FMN2: variants seen among roughly 807,000 people sequenced by gnomAD.
FMN2 encodes formin 2.
Under a neutral mutation model 142.3 loss-of-function variants are expected in FMN2, and 51 were observed. The observed-to-expected ratio is 0.36, with a 90% CI of 0.29 to 0.45. The LOEUF (loss-of-function observed/expected upper bound fraction) is 0.45. Among genes scored for constraint, FMN2 ranks in the 20% least tolerant of loss-of-function variants. The probability of loss-of-function intolerance (pLI) is 1.00; values close to 1 mark genes in which losing one functional copy is unlikely to be tolerated. For missense variants in FMN2, 1,936 were observed against 2,122.8 expected, an observed-to-expected ratio of 0.91 and a Z score of 1.73; for synonymous variants, 882 against 869.8, an observed-to-expected ratio of 1.01 and a Z score of -0.25.
rs765785282 is a variant in FMN2, at chr1:240,329,380, G to A, written c.4349G>A (p.Arg1450Gln). ...TCACTAATCCCCAACTTTTCAGAGCGAGTCTTTTGCATCCTGTTCCAGTCC... is the reference window on the plus strand; with the variant it reads ...TCACTAATCCCCAACTTTTCAGAGCAAGTCTTTTGCATCCTGTTCCAGTCC... The part of the protein sequence containing the change: ...ELSLIPNFSE[R>Q]VFCILFQSTF... Residue 1450 changes from arginine (R) to glutamine (Q), a missense_variant, in exon 10 of 18, where the codon CGA (arginine) becomes CAA (glutamine). Transcript: ENST00000319653. The A allele has an allele frequency of 5.0e-6, 8 of 1,613,670 alleles. No homozygotes were observed. Among genetic ancestry groups the A allele is most frequent in the Admixed American group, 1.7e-5 (1 of 59,926 alleles).
chr1:240,099,630 T>G (rs1661344369), intron 1 of FMN2, among the ~76,000 whole-genome samples: 1 of 152,188 alleles, frequency 6.6e-6, no homozygotes, highest in South Asian at 2.1e-4. Flanking sequence ...CATTTCATTT[T>G]CCCGACTTTG....
At chr1:240,417,254 C>G (rs943281629) in intron 15 of FMN2, among the ~76,000 whole-genome samples, 1 of 150,622 alleles carries the variant, frequency 6.6e-6, no homozygotes, top group African/African-American at 2.4e-5. Flanking sequence ...ATTTTCTCAC[C>G]CTTTAACATC....
At chr1:240,205,756 C>G (rs746985435) in intron 4 of FMN2, among the ~76,000 whole-genome samples, 1 of 151,172 alleles carries the variant, frequency 6.6e-6, no homozygotes, top group Admixed American at 6.6e-5. Flanking sequence ...CCACCACGCC[C>G]GGCCAATGCC....
At chr1:240,103,764 C>T (rs1661493801) in intron 1 of FMN2, among the ~76,000 whole-genome samples, 1 of 152,202 alleles carries the variant, frequency 6.6e-6, no homozygotes. Flanking sequence ...AATGACTTAA[C>T]ATACAAACTT....
intron 6 of FMN2, among the ~76,000 whole-genome samples, chr1:240,220,286 C>T (rs186970754): frequency 1.3e-5 from 2 of 152,284 alleles, no homozygotes; most frequent in Admixed American, 1.3e-4. Flanking sequence ...CACTCTGTTA[C>T]CAGCCACCCC....
At chr1:240,200,175 G>A (rs939735778) in intron 4 of FMN2, among the ~76,000 whole-genome samples, 2 of 152,172 alleles carry the variant, frequency 1.3e-5, no homozygotes, top group Non-Finnish European at 2.9e-5. Context: ...CAGTCTCTTC[G>A]AGATTAAATC....
intron 7 of FMN2, among the ~76,000 whole-genome samples, chr1:240,271,962 G>A (rs1292876748): frequency 6.6e-6 from 1 of 152,028 alleles, no homozygotes; most frequent in Non-Finnish European, 1.5e-5. Context: ...TTCCATAGTT[G>A]GACTTTTTGA....
intron 4 of FMN2, among the ~76,000 whole-genome samples, chr1:240,200,929 C>T (rs954139274): frequency 3.9e-5 from 6 of 152,128 alleles, no homozygotes; most frequent in African/African-American, 1.4e-4. Context: ...CCTGGCACCA[C>T]AAGGCTAGCA....
intron 2 of FMN2, among the ~76,000 whole-genome samples, chr1:240,174,725 G>A (rs1664847474): frequency 6.6e-6 from 1 of 152,088 alleles, no homozygotes; most frequent in Admixed American, 6.5e-5. Flanking sequence ...GAACTGACTT[G>A]TCAATTTTAT....
intron 14 of FMN2, among the ~76,000 whole-genome samples, chr1:240,366,179 C>T (rs1672664146): frequency 6.6e-6 from 1 of 152,132 alleles, no homozygotes; most frequent in Non-Finnish European, 1.5e-5. Context: ...GCCATATACA[C>T]CCAGCTCACA....
At chr1:240,448,531 T>C (rs138699840) in intron 16 of FMN2, among the ~76,000 whole-genome samples, 28 of 152,158 alleles carry the variant, frequency 1.8e-4, no homozygotes, top group African/African-American at 6.5e-4. Context: ...AAAAAAAGAA[T>C]TTGGTCAGGT....
At chr1:240,436,533 C>T (rs1461748645) in intron 15 of FMN2, among the ~76,000 whole-genome samples, 2 of 151,914 alleles carry the variant, frequency 1.3e-5, no homozygotes, top group East Asian at 1.9e-4. Context: ...AAAAATTAGC[C>T]GGGCATGGTG....
At chr1:240,180,957 C>CT (rs913855322) in intron 3 of FMN2, among the ~76,000 whole-genome samples, 66 of 149,070 alleles carry the variant, frequency 4.4e-4, no homozygotes, top group East Asian at 1.8e-3. Context: ...AAATTGAGGA[C>CT]TTTTTTTTTT....
intron 14 of FMN2, among the ~76,000 whole-genome samples, chr1:240,362,190 G>A (rs902499988): frequency 5.3e-5 from 8 of 152,138 alleles, no homozygotes; most frequent in Non-Finnish European, 1.0e-4. Context: ...ATGCATACGT[G>A]TTGGACTGAA....
chr1:240,387,918 C>T (rs1461417091), intron 14 of FMN2, among the ~76,000 whole-genome samples: 3 of 152,044 alleles, frequency 2.0e-5, no homozygotes, highest in Non-Finnish European at 4.4e-5. Context: ...TGGCTCATGC[C>T]TGTAATCCCA....
intron 8 of FMN2, among the ~76,000 whole-genome samples, chr1:240,318,140 G>T (rs1338867764): frequency 6.6e-6 from 1 of 152,158 alleles, no homozygotes; most frequent in African/African-American, 2.4e-5. Context: ...TTGCTGCTGG[G>T]TGGAAGTTTG....
At chr1:240,093,879 C>A (rs1661105782) in intron 1 of FMN2, among the ~76,000 whole-genome samples, 155 bp downstream of exon 1, 1 of 152,226 alleles carries the variant, frequency 6.6e-6, no homozygotes, top group African/African-American at 2.4e-5. Context: ...GCGAGCTCAC[C>A]CCCCACGGTG....
intron 7 of FMN2, among the ~76,000 whole-genome samples, chr1:240,283,632 T>G (rs1572152583): frequency 6.6e-6 from 1 of 152,332 alleles, no homozygotes; most frequent in East Asian, 1.9e-4. Context: ...TCCCTGCTAT[T>G]AGGCTCTTAA....
At chr1:240,369,733 T>G (rs1414484786) in intron 14 of FMN2, among the ~76,000 whole-genome samples, 1 of 152,220 alleles carries the variant, frequency 6.6e-6, no homozygotes, top group Non-Finnish European at 1.5e-5. Flanking sequence ...AATTTTTGCT[T>G]CTTTGTTTCT....
Sources: allele counts gnomAD v4.1 joint callset (sites outside exome capture counted in the v4.1 genomes callset), GRCh38; gene constraint gnomAD v4.1.1; transcripts MANE v1.5; gene names NCBI Gene and HGNC (gene_info 2026-07-23, HGNC 2026-07-21).